Variants in SULT6B1 observed in about 807,000 individuals in gnomAD.
The protein encoded by SULT6B1 is sulfotransferase 6B1.
In SULT6B1, 44 loss-of-function variants were observed where a neutral mutation model predicts 37.2. The ratio of observed to expected loss-of-function variants is 1.18; its 90% confidence interval spans 0.93 to 1.52. The LOEUF is 1.52. Ranked by LOEUF, SULT6B1 falls within the 40% of genes most tolerant of loss-of-function variation. SULT6B1 has a pLI of 0.00. For missense variants in SULT6B1, 450 were observed against 361.0 expected (o/e 1.25, Z -2.00); for synonymous variants, 140 against 126.0 (o/e 1.11, Z -0.74).
chr2:37,184,466 A>G (rs969567955), intron 2 of SULT6B1, among the ~76,000 whole-genome samples: 4 of 152,222 alleles, frequency 2.6e-5, no homozygotes, highest in African/African-American at 9.6e-5. Flanking sequence ...TTCACTTACA[A>G]TCAGACCATT....
At chr2:37,176,105 G>T (rs966236208) in intron 4 of SULT6B1, among the ~76,000 whole-genome samples, 2 of 152,116 alleles carry the variant, frequency 1.3e-5, no homozygotes, top group Non-Finnish European at 2.9e-5. Flanking sequence ...ACACTGGTCA[G>T]CTGTGCTGGT....
At chr2:37,188,751 G>T (rs1350064373), upstream of SULT6B1, 5 of 529,114 alleles carry the variant, frequency 9.4e-6, no homozygotes, top group Non-Finnish European at 1.7e-5. Flanking sequence ...ACATGAAAAA[G>T]AAATCATTTA....
intron 4 of SULT6B1, among the ~76,000 whole-genome samples, chr2:37,176,729 C>A (rs1488884472): frequency 6.6e-6 from 1 of 152,078 alleles, no homozygotes; most frequent in African/African-American, 2.4e-5. Flanking sequence ...GCTAACCAAA[C>A]CCTGATTATT....
chr2:37,183,776 T>A (rs2148296263), intron 2 of SULT6B1, among the ~76,000 whole-genome samples: 1 of 152,292 alleles, frequency 6.6e-6, no homozygotes, highest in African/African-American at 2.4e-5. Flanking sequence ...CCCGAGTAGC[T>A]GGGTTTACAG....
intron 5 of SULT6B1, among the ~76,000 whole-genome samples, chr2:37,174,140 G>A (rs990678245): frequency 2.7e-5 from 4 of 150,492 alleles, no homozygotes; most frequent in South Asian, 4.2e-4. Flanking sequence ...CTCTTCCCCA[G>A]TTACCTACTT....
Position 37,167,917 on chromosome 2 carries a change from C to CT in SULT6B1, c.*17dup, listed in dbSNP as rs777920559. 2 of 1,551,066 alleles carry CT rather than the reference C, an allele frequency of 1.3e-6. No individual in the cohort carries two copies. Among genetic ancestry groups the CT allele is most frequent in the Non-Finnish European group, 1.7e-6 (2 of 1,159,932 alleles). ...ATTATTAAGGAAAATAAATCTAGGC[C>CT]TGCTGAATTGACTGGAATCAACCCT... is the stretch of plus-strand genomic sequence containing the variant. On this transcript the variant is annotated 3_prime_UTR_variant, in exon 7 of 7. Transcript: ENST00000535679.
At chr2:37,175,456 G>T (rs937896108) in intron 4 of SULT6B1, among the ~76,000 whole-genome samples, 1 of 151,784 alleles carries the variant, frequency 6.6e-6, no homozygotes, top group Admixed American at 6.6e-5. Flanking sequence ...ACAAAATTAA[G>T]CAAGTTACAA....
At position 37,171,675 on chromosome 2, in the gene SULT6B1, A is replaced by T. The variant is rs1676306708; in HGVS notation, c.625-85T>A. The T allele has an allele frequency of 9.0e-6, 12 of 1,334,562 alleles. No individual in the cohort carries two copies. The East Asian group carries it at 2.9e-4, about 32-fold the overall frequency. The allele number at this position is 1,334,562 out of a possible 1,614,324, so 82.7% of individuals were successfully genotyped here. ...GACAGACTTTTTAGTCATCAGAGTT[A>T]TTCAGCCTAACTCCCTAGTTCATCT... On this transcript the variant is annotated intron_variant, in intron 5 of 6. Transcript: ENST00000535679.
At chr2:37,171,627 A>G (rs762579080) in intron 5 of SULT6B1, 37 bp from the exon 6 acceptor site, 21 of 1,598,030 alleles carry the variant, frequency 1.3e-5, no homozygotes, top group Middle Eastern at 1.9e-4. Flanking sequence ...ATTTCTTCCT[A>G]TGGAAATTGT....
At chr2:37,194,778 T>A (rs1351044008) in intron 1 of SULT6B1, 1 of 156,914 alleles carries the variant, frequency 6.4e-6, no homozygotes, top group Non-Finnish European at 1.4e-5. Flanking sequence ...ATCATTTCTT[T>A]AAGCTTTTTT....
In SULT6B1 at chr2:37,171,576, T is replaced by C; in HGVS notation, c.639A>G (p.Gly213=). 1 of 1,612,096 alleles carries C rather than the reference T, an allele frequency of 6.2e-7. No individual in the cohort carries two copies. The highest frequency in any genetic ancestry group is 8.5e-7 in the Non-Finnish European group (1 of 1,179,500). ...YEDLKENLAA[G]IKQIAEFLGF... ...CCAAGAACTCAGCAATCTGTTTTAT[T>C]CCAGCAGCCAGATTCTGTAAAAAAA... is the stretch of plus-strand genomic sequence containing the variant. Residue 213 remains glycine, a synonymous_variant, in exon 6 of 7, where the codon GGA becomes GGG. Coordinates refer to ENST00000535679, the MANE Select transcript of SULT6B1 (RefSeq NM_001367551.1).
At chr2:37,186,978 T>C (rs1157994650) in intron 2 of SULT6B1, among the ~76,000 whole-genome samples, 1 of 152,220 alleles carries the variant, frequency 6.6e-6, no homozygotes, top group Non-Finnish European at 1.5e-5. Flanking sequence ...GAGATGAGAC[T>C]TTTCTGTTCA....
At chr2:37,190,924 G>C (rs1676767890), upstream of SULT6B1, among the ~76,000 whole-genome samples, 1 of 152,088 alleles carries the variant, frequency 6.6e-6, no homozygotes, top group South Asian at 2.1e-4. Flanking sequence ...TTTGTTTCAA[G>C]ATTAGCTTCT....
At chr2:37,181,916 C>T (rs983744030) in intron 3 of SULT6B1, among the ~76,000 whole-genome samples, 1 of 152,206 alleles carries the variant, frequency 6.6e-6, no homozygotes, top group African/African-American at 2.4e-5. Flanking sequence ...TCAAAGCTGG[C>T]TTAGGGGATA....
rs150608656 is a variant in SULT6B1 at position 37,177,575 on chromosome 2, G to T, written c.529+1883C>A. ...AAAATAGGGAGACAGAAGTCAAAAG[G>T]TACAAACTTGTTATGAAGTTATGAA... On this transcript the variant is annotated intron_variant, in intron 4 of 6. Coordinates refer to ENST00000535679, the MANE Select transcript of SULT6B1 (RefSeq NM_001367551.1). Among the ~76,000 whole-genome samples the T allele has an allele frequency of 2.1e-4, 32 of 152,206 alleles. No individual in the cohort carries two copies. The East Asian group carries it at 5.2e-3, about 25-fold the overall frequency.
intron 4 of SULT6B1, among the ~76,000 whole-genome samples, chr2:37,177,053 C>G (rs1416222834): frequency 6.6e-6 from 1 of 152,096 alleles, no homozygotes; most frequent in East Asian, 1.9e-4. Flanking sequence ...AGCTACCTAC[C>G]TTCAGACTTC....
At chr2:37,179,700 T>C (rs1186377094) in intron 3 of SULT6B1, 116 bp from the exon 4 acceptor site, 3 of 914,664 alleles carry the variant, frequency 3.3e-6, no homozygotes, top group East Asian at 5.8e-5. Flanking sequence ...TGTTAATATA[T>C]AGAGAAAGAA....
intron 2 of SULT6B1, among the ~76,000 whole-genome samples, chr2:37,186,652 G>T (rs13023845): frequency 6.6e-6 from 1 of 152,116 alleles, no homozygotes; most frequent in South Asian, 2.1e-4. Flanking sequence ...AGCACTTTGG[G>T]AGGCCGAGGT....
upstream of SULT6B1, among the ~76,000 whole-genome samples, chr2:37,193,432 AGCCCGGGT>A (rs1326302885): frequency 2.6e-5 from 4 of 151,982 alleles, no homozygotes; most frequent in East Asian, 7.7e-4. Flanking sequence ...ACTGCACTCC[AGCCCGGGT>A]GACAGAGTGA....
Sources: gnomAD v4.1 joint callset for allele counts (sites outside exome capture counted in the v4.1 genomes callset) on GRCh38, gnomAD v4.1.1 for gene constraint, MANE v1.5 for transcripts, NCBI Gene and HGNC (gene_info 2026-07-23, HGNC 2026-07-21) for gene names.